Variants in KIF14 observed in about 807,000 individuals in gnomAD.
The protein encoded by KIF14 is kinesin-like protein KIF14.
A neutral mutation model predicts 176.2 loss-of-function variants in KIF14; 98 were observed. The observed-to-expected ratio is 0.56, with a 90% confidence interval of 0.47 to 0.66. The LOEUF (loss-of-function observed/expected upper bound fraction) is 0.66. KIF14 is among the 30% of genes least tolerant of loss of function. KIF14 has a pLI of 0.00. For missense variants in KIF14, 1,751 were observed against 1,920.4 expected (o/e 0.91, Z 1.65); for synonymous variants, 566 against 632.2 (o/e 0.90, Z 1.57).
Position 200,581,349 on chromosome 1 carries a change from A to G in KIF14, c.3242-55T>C, listed in dbSNP as rs1658442841. The G allele has an allele frequency of 2.6e-5, 23 of 895,808 alleles. 1 individual carries two copies. The South Asian group carries it at 3.7e-4, about 15-fold the overall frequency. The allele number at this position is 895,808 out of a possible 1,614,324, so 55.5% of individuals were successfully genotyped here. On this transcript the variant is annotated intron_variant, in intron 19 of 29. Transcript: ENST00000367350. Reference sequence around the variant, plus strand: ...AATACATACATGGACACTAACATATACCATTAGGCAAAACAATTCCTAAAA... The same window carrying G: ...AATACATACATGGACACTAACATATGCCATTAGGCAAAACAATTCCTAAAA...
chr1:200,595,459 G>T (rs1210601946), intron 14 of KIF14, among the ~76,000 whole-genome samples: 1 of 152,278 alleles, frequency 6.6e-6, no homozygotes, highest in African/African-American at 2.4e-5. Flanking sequence ...ACTGAGGAAG[G>T]TACGAAAAAT....
In KIF14 at chr1:200,565,137, C is replaced by T; in HGVS notation, c.4003G>A (p.Ala1335Thr). 1 of 1,613,872 alleles carries T rather than the reference C, an allele frequency of 6.2e-7. No homozygotes were observed. Among genetic ancestry groups the T allele is most frequent in the Admixed American group, 1.7e-5 (1 of 59,986 alleles). ...TGTCTCAACTCATCCTCAAGTCTTG[C>T]TATGTTGGTACAAGGCAGTAAATCA... ...LSDLLPCTNI[A>T]RLEDELRQEV... is the part of the protein sequence containing the mutation. The change falls in exon 25 of 30, where the codon GCA (alanine) becomes ACA (threonine). Residue 1335 changes from alanine (A) to threonine (T), a missense_variant. Physicochemically the swap from Ala to Thr is moderately conservative, Grantham distance 58 (BLOSUM62 0). Transcript: ENST00000367350.
At chr1:200,590,011 A>C in intron 17 of KIF14, 114 bp downstream of exon 17, 1 of 1,087,398 alleles carries the variant, frequency 9.2e-7, no homozygotes, top group Non-Finnish European at 1.3e-6. Flanking sequence ...GCTTTGATTC[A>C]CTAATCTCTG....
Position 200,598,221 on chromosome 1 carries a change from T to TA in KIF14, c.2549+15dup. The TA allele has an allele frequency of 6.3e-7, 1 of 1,595,070 alleles. No homozygotes were observed. Reference sequence around the variant, plus strand: ...AGAACAGGTGCCTTTTCTTTTTTTTTAGAGGATTAACATACCAATGATCAT... The same window carrying TA: ...AGAACAGGTGCCTTTTCTTTTTTTTTAAGAGGATTAACATACCAATGATCAT... On this transcript the variant is annotated intron_variant, in intron 14 of 29. Transcript: ENST00000367350.
chr1:200,590,380 T>A, intron 16 of KIF14, 108 bp from the exon 17 acceptor site: 3 of 952,050 alleles, frequency 3.2e-6, no homozygotes, highest in Non-Finnish European at 4.5e-6. Flanking sequence ...GTTTCAATCT[T>A]AAAACTTGAT....
chr1:200,552,457 C>G lies in KIF14; in HGVS notation c.*931G>C, dbSNP rs777422385. 6.6e-6 allele frequency: 1 copy of G among 152,064 alleles called. No individual in the cohort carries two copies. Among genetic ancestry groups the G allele is most frequent in the Non-Finnish European group, 1.5e-5 (1 of 68,008 alleles). The allele number at this position is 152,064 out of a possible 1,614,324, so 9.4% of individuals were successfully genotyped here. A position where few individuals can be genotyped will look rare whatever the true frequency, so the allele number is the denominator to read the frequency against. On this transcript the variant is annotated 3_prime_UTR_variant, in exon 30 of 30. Coordinates refer to ENST00000367350, the MANE Select transcript of KIF14 (RefSeq NM_014875.3). ...ATCAAGAGAAGGTCCAGCCTCTGAT[C>G]TCCTAATCTCATCCAACAGTTTAGT...
chr1:200,593,790 T>C, intron 14 of KIF14, 21 bp from the exon 15 acceptor site: 3 of 1,389,598 alleles, frequency 2.2e-6, no homozygotes, highest in Non-Finnish European at 3.1e-6. Flanking sequence ...AAGAAGCACA[T>C]AGTTAACAAT....
chr1:200,617,537 T>C (rs1660460390), intron 2 of KIF14, 75 bp downstream of exon 2: 8 of 1,431,528 alleles, frequency 5.6e-6, no homozygotes, highest in Non-Finnish European at 7.6e-6. Context: ...TACACTGACC[T>C]TCCAAAGGCA....
chr1:200,562,228 T>G (rs961209966), intron 25 of KIF14, among the ~76,000 whole-genome samples: 1 of 152,222 alleles, frequency 6.6e-6, no homozygotes, highest in Non-Finnish European at 1.5e-5. Context: ...CCAAGTCGCC[T>G]GGTCTCTCCA....
chr1:200,619,740 G>A (rs1202159342), intron 1 of KIF14, among the ~76,000 whole-genome samples: 2 of 152,238 alleles, frequency 1.3e-5, no homozygotes, highest in Admixed American at 1.3e-4. Flanking sequence ...CAGGCAGTAA[G>A]TACGATAAGT....
In KIF14 at chr1:200,605,542, G is replaced by A. The variant is rs1209668280; in HGVS notation, c.1639-152C>T. ...TAAGAGAGATAACATATACACATTT[G>A]TAATTAATTTATAAAATGAAATGAG... On this transcript the variant is annotated intron_variant, in intron 7 of 29. Transcript: ENST00000367350. 8 of 530,526 alleles carry A rather than the reference G, an allele frequency of 1.5e-5. No homozygotes were observed. In the East Asian group the frequency reaches 2.6e-4, roughly 17 times the overall value. 32.9% of individuals were successfully genotyped at this position (530,526 alleles called of 1,614,324 possible).
chr1:200,618,268 TTC>T lies in KIF14; in HGVS notation c.454_455del (p.Glu152LysfsTer2), dbSNP rs770773879. ...TACTTTCCTTAGAAACACCATTATT[TTC>T]TGTTTCACCTCCCACATTCAGTGTC... ...KMTLNVGGET[E>X]NNGVSKESRT... is the part of the protein sequence containing the mutation. On this transcript the variant is annotated frameshift_variant, in exon 2 of 30. Transcript: ENST00000367350. LOFTEE classifies it high-confidence loss of function. The T allele has an allele frequency of 6.2e-7, 1 of 1,613,862 alleles. No individual in the cohort carries two copies. The highest frequency in any genetic ancestry group is 8.5e-7 in the Non-Finnish European group (1 of 1,180,020).
At chr1:200,611,931 G>T (rs1289181567) in intron 4 of KIF14, among the ~76,000 whole-genome samples, 1 of 151,898 alleles carries the variant, frequency 6.6e-6, no homozygotes. Context: ...AATTGTTCAA[G>T]ATCACATTTC....
intron 5 of KIF14, among the ~76,000 whole-genome samples, chr1:200,607,858 G>A (rs962143414): frequency 2.0e-4 from 31 of 152,112 alleles, no homozygotes; most frequent in African/African-American, 7.5e-4. Context: ...GCGCCACCAT[G>A]CCAAGCTAAT....
chr1:200,614,001 A>G (rs557314778), intron 4 of KIF14, among the ~76,000 whole-genome samples: 1 of 152,280 alleles, frequency 6.6e-6, no homozygotes, highest in Non-Finnish European at 1.5e-5. Flanking sequence ...TAAACTGTAC[A>G]CCTATCTGAC....
chr1:200,579,876 A>G (rs1050993927), intron 21 of KIF14, among the ~76,000 whole-genome samples: 16 of 152,128 alleles, frequency 1.1e-4, no homozygotes, highest in Admixed American at 2.6e-4. Flanking sequence ...GCAAAAAGGT[A>G]CATTAGGCAT....
chr1:200,598,546 T>G, intron 13 of KIF14, 125 bp from the exon 14 acceptor site: 3 of 582,330 alleles, frequency 5.2e-6, no homozygotes, highest in Non-Finnish European at 8.1e-6. Flanking sequence ...AATTAAAGGT[T>G]ATTTATTTAT....
chr1:200,580,234 A>G lies in KIF14; in HGVS notation c.3465+20T>C, dbSNP rs531893205. 3 of 1,268,052 alleles carry G rather than the reference A, an allele frequency of 2.4e-6. No homozygotes were observed. Among genetic ancestry groups the G allele is most frequent in the Non-Finnish European group, 3.1e-6 (3 of 968,206 alleles). The allele number at this position is 1,268,052 out of a possible 1,614,324, so 78.6% of individuals were successfully genotyped here. ...TTTTTATTTTAAAAAATTTATAGAGATTTTAATAATATTCCAAACCTCATA... is the reference window on the plus strand; with the variant it reads ...TTTTTATTTTAAAAAATTTATAGAGGTTTTAATAATATTCCAAACCTCATA... On this transcript the variant is annotated intron_variant, in intron 21 of 29. Transcript: ENST00000367350.
chr1:200,618,358 TTGTAA>T lies in KIF14; in HGVS notation c.361_365del (p.Leu121ThrfsTer4), dbSNP rs1397026056. The T allele has an allele frequency of 1.2e-6, 2 of 1,614,142 alleles. No homozygotes were observed. The highest frequency in any genetic ancestry group is 1.7e-6 in the Non-Finnish European group (2 of 1,180,028). ...CTGCAGAATCTGTTTTAGCACGACGTTGTAATGTAAGACGTGTTTCTGCTGTTTTT... is the reference window on the plus strand; with the variant it reads ...CTGCAGAATCTGTTTTAGCACGACGTTGTAAGACGTGTTTCTGCTGTTTTT... On this transcript the variant is annotated frameshift_variant, in exon 2 of 30. Coordinates refer to ENST00000367350, the MANE Select transcript of KIF14 (RefSeq NM_014875.3). LOFTEE classifies it high-confidence loss of function.
Sources: allele counts gnomAD v4.1 joint callset (sites outside exome capture counted in the v4.1 genomes callset), GRCh38; gene constraint gnomAD v4.1.1; transcripts MANE v1.5; gene names NCBI Gene and HGNC (gene_info 2026-07-23, HGNC 2026-07-21).